TENM3: variants seen among roughly 807,000 people sequenced by gnomAD.
The protein encoded by TENM3 is teneurin transmembrane protein 3, also known as teneurin-3.
TENM3 carries 63 observed loss-of-function variants against 255.1 expected under a neutral mutation model. That is an observed-to-expected ratio of 0.25 (90% CI 0.20 to 0.30). The LOEUF is 0.30. Ranked by LOEUF, TENM3 falls within the 10% of genes least tolerant of loss-of-function variation. The pLI, the probability that TENM3 is intolerant of heterozygous loss-of-function variation, is 1.00. For synonymous variants in TENM3, 1,306 were observed against 1,322.3 expected (o/e 0.99, Z 0.27); for missense variants, 2,929 against 3,461.1 (o/e 0.85, Z 3.86).
At chr4:182,760,516 A>G (rs1579378961) in intron 22 of TENM3, among the ~76,000 whole-genome samples, 1 of 152,254 alleles carries the variant, frequency 6.6e-6, no homozygotes, top group East Asian at 1.9e-4. Flanking sequence ...ATTCTGGCCA[A>G]TATGTACATG....
At chr4:182,479,780 T>A (rs1488826221) in intron 3 of TENM3, among the ~76,000 whole-genome samples, 1 of 152,004 alleles carries the variant, frequency 6.6e-6, no homozygotes, top group Non-Finnish European at 1.5e-5. Flanking sequence ...AAGTAAATAT[T>A]TTTGATCTCT....
chr4:182,777,805 G>T (rs972336063), intron 24 of TENM3, among the ~76,000 whole-genome samples: 2 of 149,140 alleles, frequency 1.3e-5, no homozygotes, highest in Non-Finnish European at 3.0e-5. Context: ...TCATCTGCCC[G>T]CCTCGGCCTC....
chr4:182,751,357 A>G (rs1762360025), intron 19 of TENM3, among the ~76,000 whole-genome samples: 1 of 152,234 alleles, frequency 6.6e-6, no homozygotes, highest in Non-Finnish European at 1.5e-5. Context: ...ATGGTGAGGT[A>G]TGAGCGGAAT....
chr4:181,774,051 A>G, the TENM3 span, among the ~76,000 whole-genome samples: 1 of 109,582 alleles, frequency 9.1e-6, no homozygotes, highest in African/African-American at 3.7e-5. Flanking sequence ...GTTTTAGGGT[A>G]CATGTGCACA....
chr4:181,829,780 A>G, the TENM3 span: 649 of 152,324 alleles, frequency 4.3e-3, 4 homozygotes, highest in African/African-American at 0.013. Context: ...TGCTGATGGG[A>G]GTGGGAGATG....
intron 2 of TENM3, among the ~76,000 whole-genome samples, chr4:182,336,968 C>T (rs1454465284): frequency 6.6e-6 from 1 of 151,350 alleles, no homozygotes; most frequent in African/African-American, 2.4e-5. Flanking sequence ...ATATGAGACT[C>T]AAACTTGTTA....
chr4:181,488,084 G>T, the TENM3 span, among the ~76,000 whole-genome samples: 1 of 152,170 alleles, frequency 6.6e-6, no homozygotes, highest in African/African-American at 2.4e-5. Context: ...ACAAACCTGG[G>T]CTTTGCAGTC....
chr4:181,693,780 T>C, the TENM3 span, among the ~76,000 whole-genome samples: 1 of 152,128 alleles, frequency 6.6e-6, no homozygotes, highest in African/African-American at 2.4e-5. Flanking sequence ...AAGATTTCCT[T>C]CCTCCTACAT....
At chr4:181,943,655 C>T in the TENM3 span, among the ~76,000 whole-genome samples, 35 of 152,190 alleles carry the variant, frequency 2.3e-4, no homozygotes, top group East Asian at 4.8e-3. Context: ...CCTCTTTGCC[C>T]GCCAGAATCT....
intron 3 of TENM3, among the ~76,000 whole-genome samples, chr4:182,523,186 T>G (rs1738767087): frequency 7.4e-6 from 1 of 135,994 alleles, no homozygotes; most frequent in Non-Finnish European, 1.6e-5. Context: ...TGTGTGGTTT[T>G]GTTGTTGTTG....
At chr4:182,118,416 G>A in the TENM3 span, among the ~76,000 whole-genome samples, 10 of 152,002 alleles carry the variant, frequency 6.6e-5, no homozygotes, top group Admixed American at 2.6e-4. Context: ...GTTAGCTGTA[G>A]GGGTTTTTTT....
the TENM3 span, among the ~76,000 whole-genome samples, chr4:181,659,405 A>T: frequency 6.6e-6 from 1 of 152,188 alleles, no homozygotes; most frequent in Admixed American, 6.5e-5. Flanking sequence ...CACAGGATCC[A>T]AGAACACTCT....
At chr4:181,887,606 A>G in the TENM3 span, among the ~76,000 whole-genome samples, 1 of 152,128 alleles carries the variant, frequency 6.6e-6, no homozygotes, top group East Asian at 1.9e-4. Flanking sequence ...TTCCAAGGGC[A>G]TTTGCCTTCT....
chr4:181,785,718 T>A, the TENM3 span, among the ~76,000 whole-genome samples: 27 of 151,962 alleles, frequency 1.8e-4, no homozygotes, highest in African/African-American at 5.8e-4. Context: ...CCCCCGCCAC[T>A]GAAAAATGAA....
At chr4:182,445,370 G>C (rs1260004472) in intron 3 of TENM3, among the ~76,000 whole-genome samples, 1 of 152,194 alleles carries the variant, frequency 6.6e-6, no homozygotes, top group Non-Finnish European at 1.5e-5. Flanking sequence ...CTTAGTGTTA[G>C]CTTTAATCAT....
intron 1 of TENM3, among the ~76,000 whole-genome samples, chr4:182,166,394 T>C (rs896028): frequency 0.71 from 107,699 of 151,990 alleles, 38,342 homozygotes; most frequent in Non-Finnish European, 0.74. Context: ...GCCATGAGAT[T>C]GAAGCTTGGC....
chr4:182,503,462 C>A (rs1736517558), intron 3 of TENM3, among the ~76,000 whole-genome samples: 1 of 152,168 alleles, frequency 6.6e-6, no homozygotes, highest in African/African-American at 2.4e-5. Flanking sequence ...GCTGCAGGGT[C>A]TTTGCATTCA....
chr4:181,768,744 TG>T, the TENM3 span, among the ~76,000 whole-genome samples: 22 of 152,274 alleles, frequency 1.4e-4, no homozygotes, highest in African/African-American at 5.1e-4. Context: ...AAATATCAAA[TG>T]ATTTATTATG....
intron 1 of TENM3, among the ~76,000 whole-genome samples, chr4:182,275,180 G>T (rs138831435): frequency 6.6e-6 from 1 of 152,058 alleles, no homozygotes; most frequent in African/African-American, 2.4e-5. Context: ...TTGTCGTCTC[G>T]TGTAATGGCA....
Sources: gnomAD v4.1 joint callset for allele counts (sites outside exome capture counted in the v4.1 genomes callset) on GRCh38, gnomAD v4.1.1 for gene constraint, MANE v1.5 for transcripts, NCBI Gene and HGNC (gene_info 2026-07-23, HGNC 2026-07-21) for gene names.